Variants in OCA2 observed in about 807,000 individuals in gnomAD.
OCA2 encodes the protein P protein.
A neutral mutation model predicts 100.2 loss-of-function variants in OCA2; 77 were observed. The observed-to-expected ratio is 0.77, with a 90% CI of 0.64 to 0.93. The LOEUF (loss-of-function observed/expected upper bound fraction) is 0.93, where lower values mean the gene tolerates loss of function less well. OCA2 is among the 40% of genes least tolerant of loss of function. The pLI, the probability that OCA2 is intolerant of heterozygous loss-of-function variation, is 0.00. For synonymous variants in OCA2, 432 were observed against 439.2 expected (o/e 0.98, Z 0.21); for missense variants, 1,062 against 1,089.1 (o/e 0.98, Z 0.35).
In OCA2 at chr15:28,093,744, G is replaced by A. The variant is rs184714626; in HGVS notation, c.-22+5480C>T. ...ATAGGCTGCGGTGCATGCATGCCGGGAAGACCACGCCACAATCAAAAGGAA... is the reference window on the plus strand; with the variant it reads ...ATAGGCTGCGGTGCATGCATGCCGGAAAGACCACGCCACAATCAAAAGGAA... On this transcript the variant is annotated intron_variant, in intron 1 of 23. Coordinates refer to ENST00000354638, the MANE Select transcript of OCA2 (RefSeq NM_000275.3). 3.2e-3 allele frequency among the ~76,000 whole-genome samples: 482 copies of A among 152,234 alleles called. 4 individuals carry two copies. The highest frequency in any genetic ancestry group is 3.4e-3 in the Non-Finnish European group (228 of 68,018).
chr15:27,989,559 C>G, intron 11 of OCA2, 42 bp downstream of exon 11: 2 of 1,563,360 alleles, frequency 1.3e-6, no homozygotes, highest in South Asian at 2.2e-5. Flanking sequence ...GCCCGGTTAC[C>G]GCAGGCGTGG....
At chr15:27,966,873 C>A in intron 14 of OCA2, 51 bp from the exon 15 acceptor site, 1 of 1,565,410 alleles carries the variant, frequency 6.4e-7, no homozygotes, top group Non-Finnish European at 8.7e-7. Flanking sequence ...TGGTGGCTCA[C>A]GCCTGTAATC....
At chr15:27,965,953 CTGTTTGTTTGTTTGTTTGTT>C (rs112228806) in intron 15 of OCA2, among the ~76,000 whole-genome samples, 1 of 150,812 alleles carries the variant, frequency 6.6e-6, no homozygotes, top group Non-Finnish European at 1.5e-5. Context: ...TCAGCATCTG[CTGTTTGTTTGTTTGTTTGTT>C]TGTTTGTTTG....
intron 2 of OCA2, among the ~76,000 whole-genome samples, chr15:28,063,693 T>C (rs1471424068): frequency 6.6e-6 from 1 of 152,118 alleles, no homozygotes; most frequent in Admixed American, 6.5e-5. Context: ...TACATAACTC[T>C]ATTTCCTCTC....
chr15:28,006,531 C>T (rs532435465), intron 9 of OCA2, among the ~76,000 whole-genome samples: 1 of 152,350 alleles, frequency 6.6e-6, no homozygotes, highest in South Asian at 2.1e-4. Flanking sequence ...TATGTCCCAT[C>T]CCGACTCCTT....
intron 1 of OCA2, among the ~76,000 whole-genome samples, chr15:28,093,433 GAAAA>G: frequency 6.6e-6 from 1 of 150,862 alleles, no homozygotes; most frequent in Non-Finnish European, 1.5e-5. Flanking sequence ...AAGAAAGAAA[GAAAA>G]AAGAAAACAG....
In OCA2 at chr15:27,966,766, G is replaced by T. The variant is rs140932222; in HGVS notation, c.1560C>A (p.Leu520=). The change falls in exon 15 of 24, where the codon CTC becomes CTA. Residue 520 remains leucine (L), a synonymous_variant. Transcript: ENST00000354638. ...AHMFIGICLV[L]LVCFPLLRLL... ...GTCTGAGGAGCGGAAAGCAGACCAG[G>T]AGAACAAGGCAAATCCCAATGAACA... 1.4e-3 allele frequency: 2,297 copies of T among 1,613,638 alleles called. 13 individuals are homozygous for T. The highest frequency in any genetic ancestry group is 1.0e-3 in the Non-Finnish European group (1,211 of 1,179,948).
chr15:27,747,958 T>A, the OCA2 span, among the ~76,000 whole-genome samples: 1 of 152,064 alleles, frequency 6.6e-6, no homozygotes, highest in African/African-American at 2.4e-5. Flanking sequence ...GAATCCAGGG[T>A]AGGAGGAAAA....
At chr15:27,890,171 A>G (rs1429856816) in intron 19 of OCA2, among the ~76,000 whole-genome samples, 2 of 152,226 alleles carry the variant, frequency 1.3e-5, no homozygotes, top group African/African-American at 4.8e-5. Context: ...TATTTTTTTA[A>G]AAGGGCAGAG....
chr15:27,888,414 G>A (rs2037317649), intron 19 of OCA2, among the ~76,000 whole-genome samples: 1 of 152,082 alleles, frequency 6.6e-6, no homozygotes, highest in African/African-American at 2.4e-5. Flanking sequence ...TGTCATATCA[G>A]AAACTGAGAA....
In OCA2 at chr15:27,787,702, T is replaced by C. The variant is rs376594191; in HGVS notation, c.2433-32230A>G. On this transcript the variant is annotated intron_variant, in intron 23 of 23. Coordinates refer to ENST00000354638, the MANE Select transcript of OCA2 (RefSeq NM_000275.3). Reference sequence around the variant, plus strand: ...TTTTAAAGAATCAATTTGGGTTTCATTGATTTTCTCTATTATTTTCAATAT... The same window carrying C: ...TTTTAAAGAATCAATTTGGGTTTCACTGATTTTCTCTATTATTTTCAATAT... Among the ~76,000 whole-genome samples, 218 of 152,062 alleles carry C rather than the reference T, an allele frequency of 1.4e-3. 1 individual carries two copies. The highest frequency in any genetic ancestry group is 5.1e-3 in the African/African-American group (213 of 41,564).
intron 7 of OCA2, among the ~76,000 whole-genome samples, chr15:28,017,054 C>CGGGACCGCAGGCTGTGTAAGGT: frequency 7.1e-6 from 1 of 141,622 alleles, no homozygotes; most frequent in South Asian, 2.6e-4. Context: ...GGGGAGGCAG[C>CGGGACCGCAGGCTGTGTAAGGT]CTGGGGAGCG....
At chr15:28,073,213 A>G (rs1261967448) in intron 2 of OCA2, among the ~76,000 whole-genome samples, 1 of 152,228 alleles carries the variant, frequency 6.6e-6, no homozygotes, top group African/African-American at 2.4e-5. Flanking sequence ...CAGGAGTTTG[A>G]GACCAGCCTG....
chr15:27,940,550 C>T (rs2039611737), intron 18 of OCA2, among the ~76,000 whole-genome samples: 1 of 152,108 alleles, frequency 6.6e-6, no homozygotes, highest in Middle Eastern at 3.2e-3. Flanking sequence ...CTGACCAGCA[C>T]TAAAGATGTC....
chr15:27,775,291 G>A (rs202001599), intron 23 of OCA2, among the ~76,000 whole-genome samples: 108 of 152,248 alleles, frequency 7.1e-4, no homozygotes, highest in Non-Finnish European at 1.2e-3. Context: ...AGTGAAGCTC[G>A]TCCTCTGTCA....
chr15:27,952,926 G>A (rs544392043), intron 17 of OCA2, among the ~76,000 whole-genome samples: 30 of 152,058 alleles, frequency 2.0e-4, no homozygotes, highest in South Asian at 2.1e-4. Flanking sequence ...CAAGCAATGC[G>A]TCCACCTCTG....
At chr15:27,721,286 C>T in the OCA2 span, among the ~76,000 whole-genome samples, 8 of 152,118 alleles carry the variant, frequency 5.3e-5, no homozygotes, top group African/African-American at 1.7e-4. Context: ...GAGGATTGCT[C>T]GAGCCCAGGA....
chr15:27,987,958 C>T (rs1172200713), intron 11 of OCA2, among the ~76,000 whole-genome samples: 2 of 152,110 alleles, frequency 1.3e-5, no homozygotes, highest in Non-Finnish European at 2.9e-5. Flanking sequence ...AAATATCCAC[C>T]ATGTCCAGAG....
At chr15:27,943,577 A>C (rs956292501) in intron 18 of OCA2, among the ~76,000 whole-genome samples, 7 of 151,564 alleles carry the variant, frequency 4.6e-5, no homozygotes, top group Admixed American at 1.3e-4. Flanking sequence ...TGGAGGCTTC[A>C]TCTGCATGAT....
Sources: allele counts gnomAD v4.1 joint callset (sites outside exome capture counted in the v4.1 genomes callset), GRCh38; gene constraint gnomAD v4.1.1; transcripts MANE v1.5; gene names NCBI Gene and HGNC (gene_info 2026-07-23, HGNC 2026-07-21).